Variants in GABRA5 observed in about 807,000 individuals in gnomAD.
GABRA5 encodes the protein gamma-aminobutyric acid type A receptor subunit alpha5.
GABRA5 carries 18 observed loss-of-function variants against 47.3 expected under a neutral mutation model. The ratio of observed to expected loss-of-function variants is 0.38; its 90% CI spans 0.26 to 0.56. The LOEUF is 0.56. GABRA5 is among the 20% of genes least tolerant of loss of function. The pLI, the probability that GABRA5 is intolerant of heterozygous loss-of-function variation, is 0.71. For missense variants in GABRA5, 365 were observed against 599.3 expected (o/e 0.61, Z 4.08); for synonymous variants, 237 against 229.3 (o/e 1.03, Z -0.30).
intron 7 of GABRA5, among the ~76,000 whole-genome samples, chr15:26,924,554 C>T (rs145615843): frequency 0.027 from 4,102 of 152,196 alleles, 150 homozygotes; most frequent in African/African-American, 0.083. Flanking sequence ...CATTAGGGGA[C>T]GGGCCTCATT....
intron 6 of GABRA5, among the ~76,000 whole-genome samples, chr15:26,892,890 GGTGT>G (rs756015071): frequency 6.6e-6 from 1 of 151,836 alleles, no homozygotes; most frequent in South Asian, 2.1e-4. Context: ...GGGTATGTGT[GGTGT>G]GTGTGTGTAT....
chr15:26,882,470 C>T (rs959228663), intron 4 of GABRA5, among the ~76,000 whole-genome samples: 35 of 152,320 alleles, frequency 2.3e-4, no homozygotes, highest in African/African-American at 8.2e-4. Flanking sequence ...TTGCTTCCTA[C>T]TCATGACCAC....
chr15:26,896,220 C>T (rs553704048), intron 6 of GABRA5, among the ~76,000 whole-genome samples: 8 of 152,132 alleles, frequency 5.3e-5, no homozygotes, highest in Admixed American at 2.6e-4. Flanking sequence ...AAACATTTAT[C>T]GGTGTCTCTG....
chr15:26,883,475 A>G lies in GABRA5; in HGVS notation c.415A>G (p.Lys139Glu). The G allele has an allele frequency of 6.2e-7, 1 of 1,614,148 alleles. No individual in the cohort carries two copies. The highest frequency in any genetic ancestry group is 8.5e-7 in the Non-Finnish European group (1 of 1,180,024). ...CCCAGACACGTTCTTCCACAACGGG[A>G]AGAAGTCCATCGCTCACAACATGAC... is the stretch of plus-strand genomic sequence containing the variant. Reference protein sequence around the residue: ...WTPDTFFHNGKKSIAHNMTTP... With the variant: ...WTPDTFFHNGEKSIAHNMTTP... The change falls in exon 6 of 11, where the codon AAG becomes GAG. Residue 139 changes from lysine (K) to glutamate (E), a missense_variant. Coordinates refer to ENST00000335625, the MANE Select transcript of GABRA5 (RefSeq NM_000810.4). The surrounding 1 kb of genome is among the most constrained non-coding windows in gnomAD (Gnocchi z 4.8).
At chr15:26,937,360 C>T (rs189562874) in intron 8 of GABRA5, 32 bp downstream of exon 8, 4 of 1,571,172 alleles carry the variant, frequency 2.5e-6, no homozygotes, top group South Asian at 2.4e-5. Context: ...TGCTGCCAGG[C>T]GCACTCAGGA....
chr15:26,937,576 G>A (rs780724444), intron 8 of GABRA5, among the ~76,000 whole-genome samples: 34 of 152,144 alleles, frequency 2.2e-4, no homozygotes, highest in Non-Finnish European at 4.4e-4. Flanking sequence ...CGGGGGTTGC[G>A]GTGGACCTGC....
In GABRA5 at chr15:26,880,826, C is replaced by CT; in HGVS notation, c.87-18dup. On this transcript the variant is annotated intron_variant, in intron 3 of 10. Coordinates refer to ENST00000335625, the MANE Select transcript of GABRA5 (RefSeq NM_000810.4). Reference sequence around the variant, plus strand: ...GAAATAATATGTTTTAACGCTTCCTCTTGTTTCTCTTTTTAAAAGCTTTTC... The same window carrying CT: ...GAAATAATATGTTTTAACGCTTCCTCTTTGTTTCTCTTTTTAAAAGCTTTTC... 1 of 1,612,032 alleles carries CT rather than the reference C, an allele frequency of 6.2e-7. No homozygotes were observed. Among genetic ancestry groups the CT allele is most frequent in the Non-Finnish European group, 8.5e-7 (1 of 1,179,068 alleles).
intron 6 of GABRA5, among the ~76,000 whole-genome samples, chr15:26,907,649 T>G (rs1319984839): frequency 6.6e-6 from 1 of 152,148 alleles, no homozygotes; most frequent in Non-Finnish European, 1.5e-5. Flanking sequence ...ATGGGACCAG[T>G]ACACACGTCA....
intron 6 of GABRA5, among the ~76,000 whole-genome samples, chr15:26,895,810 G>T (rs1323551592): frequency 1.0e-4 from 1 of 9,648 alleles, no homozygotes; most frequent in African/African-American, 4.1e-4. Flanking sequence ...GCAAGACTCC[G>T]TCAAAAAAAA....
intron 6 of GABRA5, among the ~76,000 whole-genome samples, chr15:26,885,114 G>A (rs564887842): frequency 6.6e-6 from 1 of 152,126 alleles, no homozygotes; most frequent in Non-Finnish European, 1.5e-5. Context: ...GGCTAACTTG[G>A]TGAAACCCCG....
At chr15:26,887,652 C>T (rs1245396835) in intron 6 of GABRA5, among the ~76,000 whole-genome samples, 4 of 152,066 alleles carry the variant, frequency 2.6e-5, no homozygotes, top group Admixed American at 1.3e-4. Context: ...GCACCCAGCC[C>T]CCATGATGCC....
chr15:26,938,248 T>C, intron 8 of GABRA5, among the ~76,000 whole-genome samples: 1 of 151,852 alleles, frequency 6.6e-6, no homozygotes, highest in Non-Finnish European at 1.5e-5. Context: ...GATATGAGAG[T>C]CTGGGAGGAT....
At chr15:26,944,462 C>G (rs538940094) in intron 10 of GABRA5, among the ~76,000 whole-genome samples, 13 of 152,280 alleles carry the variant, frequency 8.5e-5, no homozygotes, top group Non-Finnish European at 1.6e-4. Flanking sequence ...GAAGGCCTGG[C>G]AGGACCCATT....
chr15:26,886,148 T>G lies in GABRA5; in HGVS notation c.497+2591T>G, dbSNP rs1892873753. On this transcript the variant is annotated intron_variant, in intron 6 of 10. Coordinates refer to ENST00000335625, the MANE Select transcript of GABRA5 (RefSeq NM_000810.4). ...GATTCTCTTGCCTCAGCCTCCCAAG[T>G]AGCTGGGATTACAGGCGTGTGCCAC... Among the ~76,000 whole-genome samples the G allele has an allele frequency of 2.0e-5, 3 of 152,188 alleles. 1 individual carries two copies. In the South Asian group the frequency reaches 6.2e-4, roughly 32 times the overall value.
intron 7 of GABRA5, among the ~76,000 whole-genome samples, chr15:26,925,564 T>C (rs1374957615): frequency 6.6e-6 from 1 of 152,214 alleles, no homozygotes; most frequent in Non-Finnish European, 1.5e-5. Context: ...ACATATTCTC[T>C]TTTGTATTCT....
At chr15:26,869,574 T>C (rs1317847624) in intron 3 of GABRA5, among the ~76,000 whole-genome samples, 1 of 152,228 alleles carries the variant, frequency 6.6e-6, no homozygotes, top group African/African-American at 2.4e-5. Context: ...GATTATGTTT[T>C]CAGAAATGGA....
Position 26,869,292 on chromosome 15 carries a change from T to G in GABRA5, c.44T>G (p.Leu15Arg). The G allele has an allele frequency of 6.2e-7, 1 of 1,609,816 alleles. No individual in the cohort carries two copies. The highest frequency in any genetic ancestry group is 8.5e-7 in the Non-Finnish European group (1 of 1,176,098). Residue 15 changes from leucine to arginine, a missense_variant, in exon 3 of 11, where the codon CTC (leucine) becomes CGC (arginine). By Grantham distance (102) the Leu-to-Arg change is moderately radical. Coordinates refer to ENST00000335625, the MANE Select transcript of GABRA5 (RefSeq NM_000810.4). ...MFSGFIMIKN[L>R]LLFCISMNLS... The stretch of plus-strand genomic sequence containing the variant: ...TCTGGTTTTATCATGATCAAAAACC[T>G]CCTTCTCTTTTGTATTTCCATGAAC...
In GABRA5 at chr15:26,883,169, G is replaced by C; in HGVS notation, c.212G>C (p.Arg71Pro). The C allele has an allele frequency of 6.2e-7, 1 of 1,613,546 alleles. No individual in the cohort carries two copies. Among genetic ancestry groups the C allele is most frequent in the Non-Finnish European group, 8.5e-7 (1 of 1,179,496 alleles). Residue 71 changes from arginine to proline, a missense_variant, in exon 5 of 11, where the codon CGC becomes CCC. Transcript: ENST00000335625. The surrounding 1 kb of genome is among the most constrained non-coding windows in gnomAD (Gnocchi z 4.8). ...GGGACCTGTGTCTGTCTTTCAGAGC[G>C]CATCACTCAGGTGAGGACCGACATC... ...DNRLRPGLGERITQVRTDIYV... is the reference protein window; with the variant it reads ...DNRLRPGLGEPITQVRTDIYV...
Position 26,939,035 on chromosome 15 carries a change from T to C in GABRA5, c.725-890T>C, listed in dbSNP as rs137918741. Among the ~76,000 whole-genome samples, 390 of 152,232 alleles carry C rather than the reference T, an allele frequency of 2.6e-3. 1 individual carries two copies. The highest frequency in any genetic ancestry group is 3.8e-3 in the Non-Finnish European group (257 of 67,998). Reference sequence around the variant, plus strand: ...CTGATGGAGCCCCCAAAGCCTGTTCTCCCCACGTTCACAGTGCATCCCAGC... The same window carrying C: ...CTGATGGAGCCCCCAAAGCCTGTTCCCCCCACGTTCACAGTGCATCCCAGC... On this transcript the variant is annotated intron_variant, in intron 8 of 10. Transcript: ENST00000335625.
Sources: gnomAD v4.1 joint callset for allele counts (sites outside exome capture counted in the v4.1 genomes callset) on GRCh38, gnomAD v4.1.1 for gene constraint, Gnocchi (gnomAD v3.1) non-coding constraint, MANE v1.5 for transcripts, NCBI Gene and HGNC (gene_info 2026-07-23, HGNC 2026-07-21) for gene names.